Variants in ELP4 observed in about 807,000 individuals in gnomAD.
ELP4 encodes the protein elongator acetyltransferase complex subunit 4.
A neutral mutation model predicts 48.9 loss-of-function variants in ELP4; 51 were observed. That is an observed-to-expected ratio of 1.04 (90% CI 0.83 to 1.32). The LOEUF is 1.32. ELP4 is among the 40% of genes most tolerant of loss of function. The pLI is 0.00. For synonymous variants in ELP4, 210 were observed against 189.2 expected, an observed-to-expected ratio of 1.11 and a Z score of -0.90; for missense variants, 519 against 514.6, an observed-to-expected ratio of 1.01 and a Z score of -0.08.
intron 2 of ELP4, among the ~76,000 whole-genome samples, chr11:31,537,198 CTA>C (rs1956515097): frequency 6.6e-6 from 1 of 152,086 alleles, no homozygotes; most frequent in Admixed American, 6.6e-5. Context: ...ATTGAGTGTA[CTA>C]TGAGGCAAGA....
At chr11:31,541,371 C>T (rs973468768) in intron 3 of ELP4, 3 of 151,834 alleles carry the variant, frequency 2.0e-5, no homozygotes, top group Non-Finnish European at 4.4e-5. Context: ...TACAATATTT[C>T]TTGGTGTTTT....
chr11:31,771,287 AT>A (rs1350692534), intron 9 of ELP4, among the ~76,000 whole-genome samples: 1 of 152,212 alleles, frequency 6.6e-6, no homozygotes, highest in Non-Finnish European at 1.5e-5. Context: ...TAGCCAGTAT[AT>A]ACCACCTTTG....
At chr11:31,561,429 A>G (rs951044078) in intron 3 of ELP4, among the ~76,000 whole-genome samples, 1 of 151,102 alleles carries the variant, frequency 6.6e-6, no homozygotes, top group Non-Finnish European at 1.5e-5. Context: ...ATTTGTTTGA[A>G]GAGCACATTA....
intron 8 of ELP4, 33 bp downstream of exon 8, chr11:31,647,882 A>C (rs574668037): frequency 7.6e-7 from 1 of 1,308,966 alleles, no homozygotes; most frequent in South Asian, 1.2e-5. Flanking sequence ...GAAGAGCAGG[A>C]GCAGGCTGCT....
chr11:31,598,503 C>CTTTTTTTTTTTTTTTT (rs10702222), intron 4 of ELP4, among the ~76,000 whole-genome samples: 6 of 77,738 alleles, frequency 7.7e-5, no homozygotes, highest in Non-Finnish European at 1.3e-4. Context: ...TTTTCTTCTT[C>CTTTTTTTTTTTTTTTT]TTTTTTTTTT....
intron 9 of ELP4, among the ~76,000 whole-genome samples, chr11:31,781,165 A>C (rs372795821): frequency 6.6e-6 from 1 of 152,202 alleles, no homozygotes; most frequent in East Asian, 1.9e-4. Flanking sequence ...GTGGATTCTA[A>C]ATATTTGTTG....
At chr11:31,562,770 ATC>A in intron 3 of ELP4, among the ~76,000 whole-genome samples, 1 of 152,274 alleles carries the variant, frequency 6.6e-6, no homozygotes, top group African/African-American at 2.4e-5. Flanking sequence ...TGGTTTTAAA[ATC>A]TGAGTTTTAA....
chr11:31,592,480 G>T (rs1350844350), intron 3 of ELP4, among the ~76,000 whole-genome samples: 2 of 150,338 alleles, frequency 1.3e-5, no homozygotes, highest in Non-Finnish European at 3.0e-5. Flanking sequence ...AGGTGTGTGT[G>T]TGTATATATA....
In ELP4 at chr11:31,627,209, C is replaced by A; in HGVS notation, c.738+15C>A. ...CCAATCCTCAGGTATTAAATAGCTT[C>A]AAAGTCTTTTATAATTATTTATATA... On this transcript the variant is annotated intron_variant, in intron 6 of 9. Transcript: ENST00000640961. 1 of 1,056,564 alleles carries A rather than the reference C, an allele frequency of 9.5e-7. No individual in the cohort carries two copies. The highest frequency in any genetic ancestry group is 1.3e-6 in the Non-Finnish European group (1 of 786,566). The allele number at this position is 1,056,564 out of a possible 1,614,324, so 65.4% of individuals were successfully genotyped here.
At chr11:31,687,313 T>G (rs1205880985) in intron 9 of ELP4, among the ~76,000 whole-genome samples, 1 of 152,094 alleles carries the variant, frequency 6.6e-6, no homozygotes, top group Non-Finnish European at 1.5e-5. Flanking sequence ...ACATGTAAGA[T>G]CAGAAAACAT....
rs537589025 is a variant in ELP4, at chr11:31,549,375, C to G, written c.381+9592C>G. 2.0e-5 allele frequency among the ~76,000 whole-genome samples: 3 copies of G among 152,202 alleles called. 1 individual carries two copies. Among genetic ancestry groups the G allele is most frequent in the African/African-American group, 7.2e-5 (3 of 41,444 alleles). Reference sequence around the variant, plus strand: ...AGAAGACATTTATGCACCCAAAAAACCCATGAAAAAATGCTCACCATCACT... The same window carrying G: ...AGAAGACATTTATGCACCCAAAAAAGCCATGAAAAAATGCTCACCATCACT... On this transcript the variant is annotated intron_variant, in intron 3 of 9. Coordinates refer to ENST00000640961, the MANE Select transcript of ELP4 (RefSeq NM_019040.5).
Position 31,539,680 on chromosome 11 carries a change from T to C in ELP4, c.278T>C (p.Ile93Thr), listed in dbSNP as rs1380197373. 2 of 1,606,730 alleles carry C rather than the reference T, an allele frequency of 1.2e-6. No homozygotes were observed. Among genetic ancestry groups the C allele is most frequent in the Admixed American group, 1.7e-5 (1 of 59,006 alleles). The change falls in exon 3 of 10, where the codon ATT (isoleucine) becomes ACT (threonine). Residue 93 changes from isoleucine (I) to threonine (T), a missense_variant. By Grantham distance (89) the Ile-to-Thr change is moderately conservative. Coordinates refer to ENST00000640961, the MANE Select transcript of ELP4 (RefSeq NM_019040.5). The stretch of plus-strand genomic sequence containing the variant: ...TTTACAGAGGAGGATAAATATAATA[T>C]TTACTCACCTTTGCTCTTCAAGTAT... ...VLLIEEDKYN[I>T]YSPLLFKYFL...
chr11:31,569,955 T>C (rs984859351), intron 3 of ELP4, among the ~76,000 whole-genome samples: 18 of 152,260 alleles, frequency 1.2e-4, no homozygotes, highest in African/African-American at 4.3e-4. Flanking sequence ...AGTTTGGAGA[T>C]TTCCCAAAGA....
chr11:31,656,005 G>A (rs1047117734), intron 9 of ELP4, among the ~76,000 whole-genome samples: 14 of 151,876 alleles, frequency 9.2e-5, no homozygotes, highest in African/African-American at 2.7e-4. Context: ...TTTCTAAGTG[G>A]TAAGCTTTTG....
intron 3 of ELP4, among the ~76,000 whole-genome samples, chr11:31,574,110 T>A (rs1957229118): frequency 6.6e-6 from 1 of 152,212 alleles, no homozygotes. Flanking sequence ...TTGTATAGAC[T>A]GTTTTGAAAA....
chr11:31,605,391 G>A (rs1455754451), intron 5 of ELP4, among the ~76,000 whole-genome samples: 1 of 151,996 alleles, frequency 6.6e-6, no homozygotes, highest in Non-Finnish European at 1.5e-5. Context: ...CACAGATAGA[G>A]TCAAACATGC....
chr11:31,577,457 C>G (rs1007756961), intron 3 of ELP4, among the ~76,000 whole-genome samples: 5 of 151,902 alleles, frequency 3.3e-5, no homozygotes, highest in African/African-American at 1.2e-4. Flanking sequence ...CATCCTGATA[C>G]CAAAGCCTGG....
intron 3 of ELP4, among the ~76,000 whole-genome samples, chr11:31,576,965 G>C (rs967097034): frequency 2.6e-5 from 4 of 152,140 alleles, no homozygotes; most frequent in South Asian, 2.1e-4. Context: ...AGGAGATGGA[G>C]ACACAAAAAA....
At position 31,590,803 on chromosome 11, in the gene ELP4, A is replaced by G. The variant is rs571998895; in HGVS notation, c.382-3967A>G. Among the ~76,000 whole-genome samples, 4 of 152,322 alleles carry G rather than the reference A, an allele frequency of 2.6e-5. No individual in the cohort carries two copies. In the South Asian group the frequency reaches 6.2e-4, roughly 24 times the overall value. On this transcript the variant is annotated intron_variant, in intron 3 of 9. Transcript: ENST00000640961. ...TTCACACTTTTAAACACCAGAACTCATTATTGCAAGGACAATACCATGGGG... is the reference window on the plus strand; with the variant it reads ...TTCACACTTTTAAACACCAGAACTCGTTATTGCAAGGACAATACCATGGGG...
Sources: gnomAD v4.1 joint callset for allele counts (sites outside exome capture counted in the v4.1 genomes callset) on GRCh38, gnomAD v4.1.1 for gene constraint, MANE v1.5 for transcripts, NCBI Gene and HGNC (gene_info 2026-07-23, HGNC 2026-07-21) for gene names.